Variants in SULF1 observed in about 807,000 individuals in gnomAD.
SULF1 encodes the protein extracellular sulfatase Sulf-1.
SULF1 carries 46 observed loss-of-function variants against 110.5 expected under a neutral mutation model. That is an observed-to-expected ratio of 0.42 (90% confidence interval 0.33 to 0.53). SULF1 has a LOEUF of 0.53. SULF1 is among the 20% of genes least tolerant of loss of function. The pLI, the probability that SULF1 is intolerant of heterozygous loss-of-function variation, is 0.12. For synonymous variants in SULF1, 371 were observed against 387.1 expected, an observed-to-expected ratio of 0.96 and a Z score of 0.49; for missense variants, 941 against 1,094.2, an observed-to-expected ratio of 0.86 and a Z score of 1.98.
chr8:69,500,267 A>C (rs376647388), intron 2 of SULF1, among the ~76,000 whole-genome samples: 1 of 152,202 alleles, frequency 6.6e-6, no homozygotes, highest in Non-Finnish European at 1.5e-5. Context: ...AGTTTTTCAC[A>C]TGAATGTTTT....
intron 5 of SULF1, among the ~76,000 whole-genome samples, chr8:69,567,818 G>A (rs74439348): frequency 6.6e-5 from 10 of 152,138 alleles, no homozygotes; most frequent in South Asian, 2.1e-4. Flanking sequence ...AGAGCTCTTC[G>A]AGACCTTGCT....
intron 8 of SULF1, 136 bp downstream of exon 8, chr8:69,589,277 G>A (rs1403896377): frequency 1.1e-6 from 1 of 905,906 alleles, no homozygotes. Flanking sequence ...TAACTTAAGA[G>A]CAGACCACGG....
intron 3 of SULF1, among the ~76,000 whole-genome samples, chr8:69,502,197 C>G (rs886739143): frequency 6.6e-6 from 1 of 152,120 alleles, no homozygotes; most frequent in Non-Finnish European, 1.5e-5. Flanking sequence ...TAAGAAATGT[C>G]AGAAGAACCA....
At chr8:69,482,429 C>A (rs1440611608) in intron 1 of SULF1, among the ~76,000 whole-genome samples, 3 of 151,930 alleles carry the variant, frequency 2.0e-5, no homozygotes, top group African/African-American at 7.3e-5. Context: ...GTACTTGTGC[C>A]CATTTTAAAG....
chr8:69,591,435 G>A (rs1157376308), intron 8 of SULF1, among the ~76,000 whole-genome samples: 1 of 151,944 alleles, frequency 6.6e-6, no homozygotes, highest in Non-Finnish European at 1.5e-5. Flanking sequence ...GTGGTGGTGG[G>A]CACCTGTAGT....
chr8:69,613,003 CT>C (rs1226133562), intron 13 of SULF1, among the ~76,000 whole-genome samples: 1 of 152,078 alleles, frequency 6.6e-6, no homozygotes, highest in Non-Finnish European at 1.5e-5. Flanking sequence ...AGATTTAAGT[CT>C]TTGATCCATC....
At chr8:69,612,317 A>G (rs1367700464) in intron 13 of SULF1, among the ~76,000 whole-genome samples, 1 of 152,128 alleles carries the variant, frequency 6.6e-6, no homozygotes. Flanking sequence ...AAACATGCCT[A>G]TGCATGTGTC....
chr8:69,592,812 C>T (rs2130319932), intron 8 of SULF1: 1 of 513,456 alleles, frequency 1.9e-6, no homozygotes, highest in Non-Finnish European at 2.5e-6. Context: ...TTAGGGGAAG[C>T]AGTGAGAGAA....
intron 13 of SULF1, among the ~76,000 whole-genome samples, chr8:69,618,788 GCCAAAAAGCAGCTC>G (rs1365970445): frequency 6.6e-6 from 1 of 152,158 alleles, no homozygotes; most frequent in Admixed American, 6.5e-5. Context: ...TATAGTAGAA[GCCAAAAAGCAGCTC>G]TGATAATTCA....
At chr8:69,522,643 A>G (rs1435585018) in intron 3 of SULF1, among the ~76,000 whole-genome samples, 1 of 152,218 alleles carries the variant, frequency 6.6e-6, no homozygotes, top group Non-Finnish European at 1.5e-5. Flanking sequence ...GAAATACTCC[A>G]GCATTCAAAA....
At chr8:69,496,054 G>A (rs1448062653) in intron 2 of SULF1, 128 bp downstream of exon 2, 1 of 152,236 alleles carries the variant, frequency 6.6e-6, no homozygotes, top group Non-Finnish European at 1.5e-5. Flanking sequence ...CTGATTACTT[G>A]ATAACCCTGG....
intron 3 of SULF1, among the ~76,000 whole-genome samples, chr8:69,545,536 A>G (rs1321423672): frequency 6.6e-6 from 1 of 152,228 alleles, no homozygotes; most frequent in Admixed American, 6.5e-5. Context: ...TCTTTACTAC[A>G]TGATGGAGCA....
intron 22 of SULF1, 93 bp from the exon 23 acceptor site, chr8:69,658,408 CATTG>C: frequency 2.3e-6 from 2 of 868,350 alleles, no homozygotes; most frequent in Non-Finnish European, 3.6e-6. Context: ...TCATACTTCT[CATTG>C]ATTAACTCTG....
chr8:69,604,622 T>A (rs1290864874), intron 12 of SULF1, among the ~76,000 whole-genome samples, 181 bp from the exon 13 acceptor site: 1 of 152,142 alleles, frequency 6.6e-6, no homozygotes, highest in Non-Finnish European at 1.5e-5. Context: ...CTACCCAGTT[T>A]GTCATTTTCA....
intron 1 of SULF1, among the ~76,000 whole-genome samples, chr8:69,476,870 C>T (rs1778512483): frequency 6.6e-6 from 1 of 152,150 alleles, no homozygotes; most frequent in Non-Finnish European, 1.5e-5. Flanking sequence ...CACACAAGTG[C>T]CATAGTTAGA....
At chr8:69,517,084 G>A (rs1192332065) in intron 3 of SULF1, among the ~76,000 whole-genome samples, 2 of 152,164 alleles carry the variant, frequency 1.3e-5, no homozygotes, top group Non-Finnish European at 2.9e-5. Context: ...TGATTCTGGA[G>A]GCTGGGAAGT....
At chr8:69,644,641 C>T (rs183762744) in intron 22 of SULF1, among the ~76,000 whole-genome samples, 2 of 151,322 alleles carry the variant, frequency 1.3e-5, no homozygotes, top group African/African-American at 2.4e-5. Flanking sequence ...AAAAATTAGC[C>T]GGGCATGGTG....
chr8:69,477,194 A>G (rs1311727591), intron 1 of SULF1, among the ~76,000 whole-genome samples: 2 of 152,232 alleles, frequency 1.3e-5, no homozygotes. Context: ...AAAAAAGAAT[A>G]CAATGCAGTC....
intron 3 of SULF1, among the ~76,000 whole-genome samples, chr8:69,512,324 A>G (rs556603731): frequency 6.6e-6 from 1 of 152,294 alleles, no homozygotes; most frequent in South Asian, 2.1e-4. Flanking sequence ...ACCAACATCT[A>G]CCAAGTGAAA....
Sources: allele counts gnomAD v4.1 joint callset (sites outside exome capture counted in the v4.1 genomes callset), GRCh38; gene constraint gnomAD v4.1.1; transcripts MANE v1.5; gene names NCBI Gene and HGNC (gene_info 2026-07-23, HGNC 2026-07-21).